ENKUR: variants seen among roughly 807,000 people sequenced by gnomAD.
The protein encoded by ENKUR is enkurin.
In ENKUR, 19 loss-of-function variants were observed where a neutral mutation model predicts 27.6. The ratio of observed to expected loss-of-function variants is 0.69; its 90% confidence interval spans 0.48 to 1.01. The LOEUF is 1.01. Among genes scored for constraint, ENKUR ranks in the 50% least tolerant of loss-of-function variants. The pLI is 0.00. For synonymous variants in ENKUR, 117 were observed against 96.9 expected (o/e 1.21, Z -1.22); for missense variants, 312 against 310.5 (o/e 1.00, Z -0.04).
At position 25,023,932 on chromosome 10, in the gene ENKUR, G is replaced by A. The variant is rs200544875; in HGVS notation, c.38-28063C>T. On this transcript the variant is annotated intron_variant, in intron 2 of 5. Transcript: ENST00000615958. ...GGAAACATTCATTTCAACAAGACAC[G>A]TTTGGCCTGAAGACTGTGAACAGAA... is the stretch of plus-strand genomic sequence containing the variant. 1,125 of 1,614,162 alleles carry A rather than the reference G, an allele frequency of 7.0e-4. 3 individuals carry two copies. Among genetic ancestry groups the A allele is most frequent in the Non-Finnish European group, 8.9e-4 (1,047 of 1,180,018 alleles).
chr10:25,042,293 CA>C (rs35360125), intron 2 of ENKUR, among the ~76,000 whole-genome samples: 48,552 of 137,744 alleles, frequency 0.35, 8,209 homozygotes, highest in East Asian at 0.48. Context: ...GTCAGAGTCT[CA>C]AAAAAAAAAA....
intron 2 of ENKUR, among the ~76,000 whole-genome samples, chr10:25,059,101 T>C (rs1474828895): frequency 1.3e-5 from 2 of 150,358 alleles, no homozygotes; most frequent in Non-Finnish European, 3.0e-5. Flanking sequence ...ACTTCATTGA[T>C]GTTTGTTTTG....
upstream of ENKUR, chr10:25,016,864 C>A (rs1050009387): frequency 6.5e-6 from 1 of 152,686 alleles, no homozygotes; most frequent in African/African-American, 2.4e-5. Flanking sequence ...CCCGTACCGT[C>A]CCTTCCCCTT....
At chr10:25,033,661 G>C in intron 2 of ENKUR, among the ~76,000 whole-genome samples, 1 of 152,052 alleles carries the variant, frequency 6.6e-6, no homozygotes, top group East Asian at 1.9e-4. Flanking sequence ...CAGTTTAATG[G>C]GTCCTAAAAT....
At chr10:24,995,922 A>C in intron 2 of ENKUR, 53 bp from the exon 3 acceptor site, 2 of 1,386,424 alleles carry the variant, frequency 1.4e-6, no homozygotes, top group South Asian at 2.8e-5. Flanking sequence ...ACTGCTACTC[A>C]GTGCTATTTA....
intron 2 of ENKUR, chr10:25,023,028 T>C (rs1364076964): frequency 2.0e-6 from 1 of 497,108 alleles, no homozygotes; most frequent in Non-Finnish European, 3.4e-6. Context: ...GGAATACTTT[T>C]TTTAATTCCA....
intron 2 of ENKUR, among the ~76,000 whole-genome samples, chr10:25,054,249 C>T (rs1312745749): frequency 6.6e-6 from 1 of 151,448 alleles, no homozygotes; most frequent in Non-Finnish European, 1.5e-5. Context: ...GGTAAAACCC[C>T]ATCTCTACTA....
chr10:25,057,150 A>T (rs966514342), intron 2 of ENKUR, among the ~76,000 whole-genome samples: 2 of 152,352 alleles, frequency 1.3e-5, no homozygotes, highest in East Asian at 1.9e-4. Context: ...TACAAAATGT[A>T]TGTACATTTA....
chr10:25,015,253 A>G (rs1490518579), intron 1 of ENKUR, among the ~76,000 whole-genome samples: 1 of 152,224 alleles, frequency 6.6e-6, no homozygotes, highest in East Asian at 1.9e-4. Context: ...ACTCAATTAC[A>G]TATTTTTTGG....
At chr10:25,053,653 C>T (rs1851213839) in intron 2 of ENKUR, among the ~76,000 whole-genome samples, 1 of 152,060 alleles carries the variant, frequency 6.6e-6, no homozygotes, top group Non-Finnish European at 1.5e-5. Flanking sequence ...AACAATATTA[C>T]CTTCGGGTTT....
intron 4 of ENKUR, among the ~76,000 whole-genome samples, chr10:24,987,265 C>T (rs910383378): frequency 1.3e-5 from 2 of 152,172 alleles, no homozygotes; most frequent in Non-Finnish European, 2.9e-5. Flanking sequence ...TGGTAAATTC[C>T]TACTGTCCCT....
chr10:25,050,124 G>A (rs945746663), intron 2 of ENKUR, among the ~76,000 whole-genome samples: 3 of 152,092 alleles, frequency 2.0e-5, no homozygotes, highest in African/African-American at 7.2e-5. Context: ...AACTAACTGA[G>A]CAAGAACTCA....
chr10:24,993,058 G>C (rs1257450270), intron 3 of ENKUR, among the ~76,000 whole-genome samples: 2 of 152,182 alleles, frequency 1.3e-5, no homozygotes, highest in African/African-American at 4.8e-5. Context: ...CTTTGGGACA[G>C]CTAGGCAGGA....
chr10:25,031,327 C>T (rs1850932446), intron 2 of ENKUR, among the ~76,000 whole-genome samples: 1 of 152,104 alleles, frequency 6.6e-6, no homozygotes, highest in South Asian at 2.1e-4. Context: ...ACTTCTACTT[C>T]CTACATTTTT....
intron 1 of ENKUR, among the ~76,000 whole-genome samples, chr10:25,010,647 A>C (rs1409628945): frequency 1.5e-5 from 2 of 136,212 alleles, no homozygotes; most frequent in Admixed American, 7.9e-5. Flanking sequence ...TCCTGTGTCC[A>C]TGTGTTCTCA....
At chr10:24,995,982 T>C in intron 2 of ENKUR, 113 bp from the exon 3 acceptor site, 1 of 782,238 alleles carries the variant, frequency 1.3e-6, no homozygotes, top group Non-Finnish European at 1.9e-6. Context: ...AGTCATAATA[T>C]ATTTAAATAT....
rs547767075 is a variant in ENKUR at position 24,986,261 on chromosome 10, A to G, written c.595-1356T>C. Among the ~76,000 whole-genome samples the G allele has an allele frequency of 3.2e-4, 49 of 152,310 alleles. No individual in the cohort carries two copies. The Middle Eastern group carries it at 0.01, about 32-fold the overall frequency. On this transcript the variant is annotated intron_variant, in intron 4 of 5. Coordinates refer to ENST00000331161, the MANE Select transcript of ENKUR (RefSeq NM_145010.4). ...AGGGACAATACAATTTCACTGATTT[A>G]TTTCCATGCTTAGATAAAAGGGATG... is the stretch of plus-strand genomic sequence containing the variant.
At chr10:24,994,972 G>A (rs1177694825) in intron 3 of ENKUR, among the ~76,000 whole-genome samples, 1 of 152,146 alleles carries the variant, frequency 6.6e-6, no homozygotes, top group Non-Finnish European at 1.5e-5. Flanking sequence ...AGTGAGCTGA[G>A]ATTGCACCAT....
chr10:25,017,037 C>T (rs1251426533), upstream of ENKUR, among the ~76,000 whole-genome samples: 1 of 152,174 alleles, frequency 6.6e-6, no homozygotes, highest in African/African-American at 2.4e-5. Flanking sequence ...CCCCTGCTCC[C>T]GGGACCGCCC....
Sources: allele counts gnomAD v4.1 joint callset (sites outside exome capture counted in the v4.1 genomes callset), GRCh38; gene constraint gnomAD v4.1.1; transcripts MANE v1.5; gene names NCBI Gene and HGNC (gene_info 2026-07-23, HGNC 2026-07-21).